Variants in DPP10 observed in about 807,000 individuals in gnomAD.
DPP10 encodes the protein inactive dipeptidyl peptidase 10.
Under a neutral mutation model 120.9 loss-of-function variants are expected in DPP10, and 33 were observed. The ratio of observed to expected loss-of-function variants is 0.27; its 90% CI spans 0.21 to 0.37. The LOEUF is 0.37. Among genes scored for constraint, DPP10 ranks in the 10% least tolerant of loss-of-function variants. The probability of loss-of-function intolerance (pLI) is 1.00; values close to 1 mark genes in which losing one functional copy is unlikely to be tolerated. For missense variants in DPP10, 816 were observed against 942.8 expected (o/e 0.87, Z 1.76); for synonymous variants, 337 against 326.1 (o/e 1.03, Z -0.36).
intron 1 of DPP10, among the ~76,000 whole-genome samples, chr2:115,170,595 C>T (rs971421104): frequency 3.3e-5 from 5 of 152,168 alleles, no homozygotes; most frequent in Non-Finnish European, 7.4e-5. Flanking sequence ...TACGTTTCAC[C>T]TGTATGTACT....
intron 19 of DPP10, among the ~76,000 whole-genome samples, chr2:115,798,570 C>A (rs1429248321): frequency 2.0e-5 from 3 of 152,040 alleles, no homozygotes; most frequent in Admixed American, 6.6e-5. Context: ...TGATGGGAGG[C>A]TAGGCCAGAG....
chr2:115,349,603 A>T (rs776890368), intron 3 of DPP10, among the ~76,000 whole-genome samples: 1 of 152,138 alleles, frequency 6.6e-6, no homozygotes. Flanking sequence ...TCTCATTCTC[A>T]TAATATATGC....
At chr2:115,090,719 G>A (rs1477314400) in intron 1 of DPP10, among the ~76,000 whole-genome samples, 4 of 151,900 alleles carry the variant, frequency 2.6e-5, no homozygotes, top group South Asian at 2.1e-4. Context: ...TCTCTCTTAC[G>A]GTCTAAGAGT....
At chr2:114,944,602 T>C (rs924149622) in intron 1 of DPP10, among the ~76,000 whole-genome samples, 4 of 152,208 alleles carry the variant, frequency 2.6e-5, no homozygotes, top group African/African-American at 9.6e-5. Flanking sequence ...AAGGAAACTT[T>C]CTTGAGCCTT....
intron 1 of DPP10, among the ~76,000 whole-genome samples, chr2:114,871,772 G>A (rs1690707969): frequency 6.6e-6 from 1 of 152,118 alleles, no homozygotes. Flanking sequence ...TTGGGAACTG[G>A]GTCACACAGT....
At chr2:114,951,410 T>G (rs78630884) in intron 1 of DPP10, among the ~76,000 whole-genome samples, 1,827 of 152,320 alleles carry the variant, frequency 0.012, 47 homozygotes, top group African/African-American at 0.04. Flanking sequence ...CTATTGAGTT[T>G]CCTCTATGCT....
At chr2:115,377,048 G>C (rs1212595092) in intron 3 of DPP10, among the ~76,000 whole-genome samples, 4 of 151,152 alleles carry the variant, frequency 2.6e-5, no homozygotes, top group African/African-American at 9.7e-5. Flanking sequence ...ATGATTTATA[G>C]TCCTTTGGGT....
intron 1 of DPP10, among the ~76,000 whole-genome samples, chr2:114,809,928 C>T (rs1393870714): frequency 6.6e-6 from 1 of 152,134 alleles, no homozygotes; most frequent in Non-Finnish European, 1.5e-5. Context: ...TGAACTTCCC[C>T]TTAGACCCCA....
chr2:115,035,318 G>C (rs1274470692), intron 1 of DPP10, among the ~76,000 whole-genome samples: 1 of 151,970 alleles, frequency 6.6e-6, no homozygotes, highest in Admixed American at 6.6e-5. Flanking sequence ...GTCTCCTCAG[G>C]GTTTCTATTT....
At chr2:115,128,920 T>C (rs1281576056) in intron 1 of DPP10, among the ~76,000 whole-genome samples, 1 of 152,128 alleles carries the variant, frequency 6.6e-6, no homozygotes, top group East Asian at 1.9e-4. Context: ...AAACCACGAA[T>C]AGATAAGGAG....
At chr2:115,182,495 A>G (rs1054677811) in intron 1 of DPP10, among the ~76,000 whole-genome samples, 4 of 152,186 alleles carry the variant, frequency 2.6e-5, no homozygotes, top group Non-Finnish European at 5.9e-5. Context: ...GTTATCAGGA[A>G]TATAATATAA....
At chr2:114,861,197 G>A (rs1689783324) in intron 1 of DPP10, among the ~76,000 whole-genome samples, 1 of 152,210 alleles carries the variant, frequency 6.6e-6, no homozygotes, top group Non-Finnish European at 1.5e-5. Flanking sequence ...GCAAGGCCCT[G>A]CCAGAACAGA....
At chr2:115,622,992 G>A (rs920716321) in intron 5 of DPP10, among the ~76,000 whole-genome samples, 20 of 151,764 alleles carry the variant, frequency 1.3e-4, no homozygotes, top group South Asian at 6.3e-4. Context: ...ACAGGCGCCC[G>A]CCCCCACGCC....
chr2:115,684,888 A>G (rs1305269952), intron 5 of DPP10, among the ~76,000 whole-genome samples: 1 of 151,982 alleles, frequency 6.6e-6, no homozygotes, highest in Non-Finnish European at 1.5e-5. Flanking sequence ...ATTAATTCAT[A>G]CATATTTCCA....
At chr2:115,309,176 C>A in intron 1 of DPP10, 63 bp from the exon 2 acceptor site, 1 of 1,312,060 alleles carries the variant, frequency 7.6e-7, no homozygotes, top group Non-Finnish European at 1.1e-6. Flanking sequence ...TGAATCATTC[C>A]TTTATGAATA....
intron 1 of DPP10, among the ~76,000 whole-genome samples, chr2:114,619,351 ATATC>A (rs1319088024): frequency 4.6e-5 from 7 of 151,456 alleles, no homozygotes; most frequent in African/African-American, 1.7e-4. Context: ...AAGAACCTAA[ATATC>A]TATATGTGTG....
At chr2:115,028,031 G>T (rs1703590373) in intron 1 of DPP10, among the ~76,000 whole-genome samples, 1 of 151,752 alleles carries the variant, frequency 6.6e-6, no homozygotes, top group African/African-American at 2.4e-5. Flanking sequence ...TGTTGATTTT[G>T]TTTATCTTTT....
At chr2:114,751,659 A>AGGGCAGAGCATATAGAAACAG (rs1679236928) in intron 1 of DPP10, among the ~76,000 whole-genome samples, 3 of 152,218 alleles carry the variant, frequency 2.0e-5, no homozygotes, top group Admixed American at 1.3e-4. Context: ...AAGGTTAACG[A>AGGGCAGAGCATATAGAAACAG]GGGCAGAGCA....
chr2:115,296,209 G>A (rs2060877379), intron 1 of DPP10, among the ~76,000 whole-genome samples: 2 of 151,998 alleles, frequency 1.3e-5, no homozygotes, highest in South Asian at 4.1e-4. Flanking sequence ...AGGAAGTGCA[G>A]TTGGTTAAGA....
Sources: allele counts gnomAD v4.1 joint callset (sites outside exome capture counted in the v4.1 genomes callset), GRCh38; gene constraint gnomAD v4.1.1; transcripts MANE v1.5; gene names NCBI Gene and HGNC (gene_info 2026-07-23, HGNC 2026-07-21).